The following SPMAP2L variants were observed in gnomAD, a reference collection of about 807,000 sequenced individuals.
The protein encoded by SPMAP2L is sperm microtubule associated protein 2 like.
chr4:56,577,146 TG>T, the SPMAP2L span, among the ~76,000 whole-genome samples: 1 of 150,368 alleles, frequency 6.7e-6, no homozygotes, highest in African/African-American at 2.5e-5. Context: ...GGCTCACGCC[TG>T]TAATCCCAGC....
the SPMAP2L span, chr4:56,548,889 C>T: frequency 2.6e-6 from 3 of 1,173,142 alleles, no homozygotes; most frequent in Non-Finnish European, 3.3e-6. Flanking sequence ...CTGGATGGGG[C>T]AGATTCATTT....
At chr4:56,587,015 C>G in the SPMAP2L span, among the ~76,000 whole-genome samples, 6 of 152,142 alleles carry the variant, frequency 3.9e-5, no homozygotes, top group South Asian at 1.2e-3. Flanking sequence ...AATCAATAGC[C>G]TCATTTTTAA....
the SPMAP2L span, among the ~76,000 whole-genome samples, chr4:56,604,091 A>G: frequency 0.24 from 36,091 of 152,104 alleles, 4,439 homozygotes; most frequent in East Asian, 0.41. Flanking sequence ...TTGAAAGCCA[A>G]TTTTACAGAT....
the SPMAP2L span, among the ~76,000 whole-genome samples, chr4:56,582,748 A>G: frequency 1.3e-5 from 2 of 152,230 alleles, no homozygotes; most frequent in African/African-American, 4.8e-5. Context: ...GTAAATTCAC[A>G]CAAAACTGGT....
the SPMAP2L span, among the ~76,000 whole-genome samples, chr4:56,554,937 C>CTTTTTTTT: frequency 1.1e-5 from 1 of 93,436 alleles, no homozygotes; most frequent in Non-Finnish European, 2.1e-5. Context: ...ACTATCATTT[C>CTTTTTTTT]TTTTTTTTTT....
the SPMAP2L span, among the ~76,000 whole-genome samples, chr4:56,590,172 T>C: frequency 6.6e-6 from 1 of 152,204 alleles, no homozygotes; most frequent in African/African-American, 2.4e-5. Context: ...TCTTATTACA[T>C]TGTTATGTCC....
chr4:56,594,900 C>A, the SPMAP2L span: 1 of 1,611,184 alleles, frequency 6.2e-7, no homozygotes, highest in Non-Finnish European at 8.5e-7. Context: ...TCTGATGTCT[C>A]GCACCTAAAT....
At chr4:56,596,106 A>G in the SPMAP2L span, among the ~76,000 whole-genome samples, 1 of 152,214 alleles carries the variant, frequency 6.6e-6, no homozygotes, top group Non-Finnish European at 1.5e-5. Flanking sequence ...TCTGTGGGAA[A>G]TCCCAGGACA....
chr4:56,599,803 T>C, the SPMAP2L span, among the ~76,000 whole-genome samples: 7 of 152,244 alleles, frequency 4.6e-5, no homozygotes, highest in South Asian at 2.1e-4. Context: ...CAGTCTATCA[T>C]TGATGAGCAT....
the SPMAP2L span, chr4:56,595,498 T>A: frequency 6.4e-7 from 1 of 1,557,004 alleles, no homozygotes; most frequent in Non-Finnish European, 8.9e-7. Flanking sequence ...GCTGAAGATG[T>A]CTCCACACTC....
chr4:56,621,218 T>C, the SPMAP2L span, among the ~76,000 whole-genome samples: 367 of 152,254 alleles, frequency 2.4e-3, 9 homozygotes, highest in South Asian at 0.058. Context: ...TTAAAAATAG[T>C]GCTAAAAAAT....
the SPMAP2L span, among the ~76,000 whole-genome samples, chr4:56,546,425 T>C: frequency 1.3e-5 from 2 of 152,180 alleles, no homozygotes; most frequent in African/African-American, 4.8e-5. Flanking sequence ...GATGCCTGTG[T>C]CCCTTCCCCA....
the SPMAP2L span, among the ~76,000 whole-genome samples, chr4:56,563,184 C>T: frequency 2.1e-5 from 3 of 144,764 alleles, no homozygotes; most frequent in South Asian, 4.4e-4. Flanking sequence ...CCTCTTCCTC[C>T]TGGGTTCAAG....
the SPMAP2L span, among the ~76,000 whole-genome samples, chr4:56,537,904 AG>A: frequency 6.6e-6 from 1 of 152,068 alleles, no homozygotes; most frequent in South Asian, 2.1e-4. Context: ...CATGTTAGCC[AG>A]GATGGTCTTG....
chr4:56,546,466 G>A, the SPMAP2L span, among the ~76,000 whole-genome samples: 6 of 152,132 alleles, frequency 3.9e-5, no homozygotes, highest in African/African-American at 9.7e-5. Context: ...CTGAGATGTG[G>A]CCTGGGACTT....
chr4:56,556,924 C>T, the SPMAP2L span, among the ~76,000 whole-genome samples: 21 of 151,698 alleles, frequency 1.4e-4, no homozygotes, highest in African/African-American at 2.7e-4. Flanking sequence ...GCCTGGAGCA[C>T]GTGCTATTGT....
the SPMAP2L span, among the ~76,000 whole-genome samples, chr4:56,556,181 G>A: frequency 6.6e-6 from 1 of 152,152 alleles, no homozygotes; most frequent in African/African-American, 2.4e-5. Flanking sequence ...TTGATGGCAT[G>A]GAAAACCAGA....
the SPMAP2L span, among the ~76,000 whole-genome samples, chr4:56,623,302 G>A: frequency 6.6e-6 from 1 of 152,118 alleles, no homozygotes; most frequent in Admixed American, 6.5e-5. Flanking sequence ...GGATGACACA[G>A]CTTCTTTTTC....
chr4:56,550,373 T>A, the SPMAP2L span, among the ~76,000 whole-genome samples: 1 of 150,884 alleles, frequency 6.6e-6, no homozygotes, highest in African/African-American at 2.4e-5. Flanking sequence ...GGTTTTCAGT[T>A]AAAAAAAAAT....
Sources: gnomAD v4.1 joint callset for allele counts (sites outside exome capture counted in the v4.1 genomes callset) on GRCh38, gnomAD v4.1.1 for gene constraint, MANE v1.5 for transcripts, NCBI Gene and HGNC (gene_info 2026-07-23, HGNC 2026-07-21) for gene names.